The following TBC1D19 variants were observed in gnomAD, a reference collection of about 807,000 sequenced individuals.
TBC1D19 encodes the protein TBC1 domain family, member 19.
A neutral mutation model predicts 89.0 loss-of-function variants in TBC1D19; 60 were observed. That is an observed-to-expected ratio of 0.67 (90% CI 0.55 to 0.84). The LOEUF is 0.84. Among genes scored for constraint, TBC1D19 ranks in the 40% least tolerant of loss-of-function variants. The pLI is 0.00. For missense variants in TBC1D19, 500 were observed against 610.8 expected (o/e 0.82, Z 1.91); for synonymous variants, 189 against 199.7 (o/e 0.95, Z 0.45).
At chr4:26,699,382 T>A (rs574754113) in intron 13 of TBC1D19, among the ~76,000 whole-genome samples, 2 of 152,270 alleles carry the variant, frequency 1.3e-5, no homozygotes, top group East Asian at 1.9e-4. Flanking sequence ...GGAGAGGATG[T>A]GGAGAAATAG....
At chr4:26,835,558 G>A in the TBC1D19 span, among the ~76,000 whole-genome samples, 3 of 152,124 alleles carry the variant, frequency 2.0e-5, no homozygotes, top group African/African-American at 4.8e-5. Context: ...AGAATCGTAG[G>A]AGCCATCCTT....
chr4:26,840,096 CTTTT>C, the TBC1D19 span, among the ~76,000 whole-genome samples: 2 of 150,966 alleles, frequency 1.3e-5, no homozygotes, highest in African/African-American at 4.9e-5. Flanking sequence ...TTCTTTCTTT[CTTTT>C]TGACTGAGTT....
intron 7 of TBC1D19, among the ~76,000 whole-genome samples, chr4:26,659,266 A>C (rs1358554297): frequency 6.6e-6 from 1 of 151,868 alleles, no homozygotes; most frequent in Non-Finnish European, 1.5e-5. Context: ...TTTTCTTATC[A>C]CCTTCTCTGG....
the TBC1D19 span, among the ~76,000 whole-genome samples, chr4:26,778,360 G>A: frequency 6.6e-6 from 1 of 151,160 alleles, no homozygotes; most frequent in Admixed American, 6.6e-5. Context: ...AGCTTGCAGT[G>A]AGCCAAGATC....
At chr4:26,708,499 A>G (rs1715903747) in intron 13 of TBC1D19, among the ~76,000 whole-genome samples, 2 of 152,028 alleles carry the variant, frequency 1.3e-5, no homozygotes, top group African/African-American at 2.4e-5. Flanking sequence ...GGATGTTTAT[A>G]TTAATGTCTT....
In TBC1D19 at chr4:26,698,926, A is replaced by G. The variant is rs1427866107; in HGVS notation, c.954+10519A>G. On this transcript the variant is annotated intron_variant, in intron 13 of 20. Coordinates refer to ENST00000264866, the MANE Select transcript of TBC1D19 (RefSeq NM_018317.4). The stretch of plus-strand genomic sequence containing the variant: ...ATAAAATCCCTAGAAGAAAACCTAG[A>G]CAATACCATTCAGGACATAGGCATG... Among the ~76,000 whole-genome samples the G allele has an allele frequency of 3.3e-5, 5 of 152,240 alleles. No individual in the cohort carries two copies. In the South Asian group the frequency reaches 8.3e-4, roughly 25 times the overall value.
chr4:26,700,705 G>A (rs1412416545), intron 13 of TBC1D19, among the ~76,000 whole-genome samples: 1 of 152,104 alleles, frequency 6.6e-6, no homozygotes, highest in Non-Finnish European at 1.5e-5. Flanking sequence ...TTCATAATTT[G>A]TTATGCAGGA....
intron 13 of TBC1D19, among the ~76,000 whole-genome samples, chr4:26,702,986 C>A (rs1367544836): frequency 6.6e-6 from 1 of 152,208 alleles, no homozygotes; most frequent in Non-Finnish European, 1.5e-5. Flanking sequence ...TATTTCATTT[C>A]ATATAATGTC....
chr4:26,799,573 G>C, the TBC1D19 span, among the ~76,000 whole-genome samples: 1 of 152,176 alleles, frequency 6.6e-6, no homozygotes, highest in Non-Finnish European at 1.5e-5. Flanking sequence ...TAAGAGGTGA[G>C]GCCTTTGGGA....
the TBC1D19 span, among the ~76,000 whole-genome samples, chr4:26,846,248 C>A: frequency 6.6e-6 from 1 of 152,094 alleles, no homozygotes; most frequent in Non-Finnish European, 1.5e-5. Context: ...ATGGATTGTA[C>A]ACATTCAGTT....
the TBC1D19 span, among the ~76,000 whole-genome samples, chr4:26,834,464 C>T: frequency 6.6e-6 from 1 of 152,026 alleles, no homozygotes; most frequent in African/African-American, 2.4e-5. Context: ...TGCCTAGACT[C>T]AAGCTGGGGG....
In TBC1D19 at chr4:26,670,137, G is replaced by A. The variant is rs567851146; in HGVS notation, c.665-2012G>A. Among the ~76,000 whole-genome samples the A allele has an allele frequency of 2.0e-5, 3 of 151,228 alleles. No individual in the cohort carries two copies. In the South Asian group the frequency reaches 6.3e-4, roughly 32 times the overall value. On this transcript the variant is annotated intron_variant, in intron 9 of 20. Transcript: ENST00000264866. ...TGTTCACTGAAGCATTGTCTGCTTT[G>A]GTCACTAAGTCTCAGAAATCATAGC...
In TBC1D19 at chr4:26,584,145, T is replaced by A; in HGVS notation, c.-49T>A. ...GAGTGGGACCCGGTAGCCCGTTCGC[T>A]CCGCGCCGGCGGCCTGTCCCCGCGG... On this transcript the variant is annotated 5_prime_UTR_variant, in exon 1 of 21. Coordinates refer to ENST00000264866, the MANE Select transcript of TBC1D19 (RefSeq NM_018317.4). The A allele has an allele frequency of 6.3e-7, 1 of 1,580,322 alleles. No individual in the cohort carries two copies. The highest frequency in any genetic ancestry group is 8.6e-7 in the Non-Finnish European group (1 of 1,161,492).
At chr4:26,801,748 G>C in the TBC1D19 span, among the ~76,000 whole-genome samples, 1 of 152,146 alleles carries the variant, frequency 6.6e-6, no homozygotes, top group Non-Finnish European at 1.5e-5. Context: ...AGACAGAAAA[G>C]TGGTACTTTT....
chr4:26,577,015 G>A (rs1738987930), intron 1 of TBC1D19, among the ~76,000 whole-genome samples: 2 of 152,178 alleles, frequency 1.3e-5, no homozygotes, highest in African/African-American at 4.8e-5. Flanking sequence ...CCTCCATAAT[G>A]TGGGTGGGAC....
chr4:26,688,396 T>A lies in TBC1D19; in HGVS notation c.943T>A (p.Tyr315Asn). 6.4e-7 allele frequency: 1 copy of A among 1,563,948 alleles called. No individual in the cohort carries two copies. The highest frequency in any genetic ancestry group is 8.7e-7 in the Non-Finnish European group (1 of 1,150,840). The change falls in exon 13 of 21, where the codon TAT becomes AAT. Residue 315 changes from tyrosine (Y) to asparagine (N), a missense_variant. This residue lies in a region of TBC1D19 where 220 missense variants were observed against 319.1 expected (regional missense o/e 0.69). Transcript: ENST00000264866. ...TGATTATTATTTTGTATTTGAAGAT[T>A]ATTTATATCAGGTAAGTTTAAAAAT... is the stretch of plus-strand genomic sequence containing the variant. ...NDDYYFVFEDYLYQVLLCFSR... is the reference protein window; with the variant it reads ...NDDYYFVFEDNLYQVLLCFSR...
chr4:26,828,724 G>A, the TBC1D19 span, among the ~76,000 whole-genome samples: 1 of 152,198 alleles, frequency 6.6e-6, no homozygotes, highest in Admixed American at 6.5e-5. Context: ...GGTAAATAGG[G>A]ATAATAAAAG....
At chr4:26,817,981 A>AATATATATATATAT in the TBC1D19 span, among the ~76,000 whole-genome samples, 16 of 126,054 alleles carry the variant, frequency 1.3e-4, no homozygotes, top group African/African-American at 4.8e-4. Context: ...AAAAAAAAAA[A>AATATATATATATAT]ATATATATAT....
chr4:26,814,529 G>A, the TBC1D19 span, among the ~76,000 whole-genome samples: 1 of 152,182 alleles, frequency 6.6e-6, no homozygotes, highest in South Asian at 2.1e-4. Context: ...CTTTCCAGCT[G>A]TCCTTTGCTG....
Sources: allele counts gnomAD v4.1 joint callset (sites outside exome capture counted in the v4.1 genomes callset), GRCh38; gene constraint gnomAD v4.1.1; regional missense constraint gnomAD v4.1.1; transcripts MANE v1.5; gene names NCBI Gene and HGNC (gene_info 2026-07-23, HGNC 2026-07-21).